Variants in ACOXL observed in about 807,000 individuals in gnomAD.
The protein encoded by ACOXL is acyl-coenzyme A oxidase-like protein.
ACOXL carries 70 observed loss-of-function variants against 71.9 expected under a neutral mutation model. The ratio of observed to expected loss-of-function variants is 0.97; its 90% confidence interval spans 0.80 to 1.19. The LOEUF is 1.19. ACOXL is among the 50% of genes most tolerant of loss of function. ACOXL has a pLI of 0.00. For missense variants in ACOXL, 703 were observed against 736.3 expected, an observed-to-expected ratio of 0.95 and a Z score of 0.52; for synonymous variants, 253 against 281.6, an observed-to-expected ratio of 0.90 and a Z score of 1.02.
intron 11 of ACOXL, among the ~76,000 whole-genome samples, chr2:110,923,256 T>C (rs2149301402): frequency 6.6e-6 from 1 of 152,318 alleles, no homozygotes; most frequent in Admixed American, 6.5e-5. Context: ...CTTCATAAAA[T>C]TGGTTGGAGC....
intron 13 of ACOXL, among the ~76,000 whole-genome samples, chr2:110,993,835 T>A (rs926864113): frequency 6.6e-5 from 10 of 152,262 alleles, no homozygotes; most frequent in Admixed American, 4.6e-4. Context: ...GGATGTATAA[T>A]GCTACCTCAC....
intron 12 of ACOXL, among the ~76,000 whole-genome samples, chr2:110,966,410 T>G (rs751595577): frequency 6.5e-4 from 99 of 152,028 alleles, no homozygotes; most frequent in Non-Finnish European, 1.1e-3. Context: ...AACCAGGAGG[T>G]GTGAGCAGGG....
chr2:110,942,578 C>T (rs2060904706), intron 12 of ACOXL, among the ~76,000 whole-genome samples: 1 of 152,066 alleles, frequency 6.6e-6, no homozygotes, highest in African/African-American at 2.4e-5. Flanking sequence ...TGGTTATCTT[C>T]AGTTTACAGA....
intron 16 of ACOXL, among the ~76,000 whole-genome samples, chr2:111,087,657 A>G (rs1273993976): frequency 6.6e-6 from 1 of 152,206 alleles, no homozygotes; most frequent in Non-Finnish European, 1.5e-5. Flanking sequence ...ACAAAAATCA[A>G]CTCAAGATGG....
intron 16 of ACOXL, among the ~76,000 whole-genome samples, chr2:111,052,538 C>T (rs1314539092): frequency 6.6e-6 from 1 of 152,116 alleles, no homozygotes; most frequent in Non-Finnish European, 1.5e-5. Context: ...GCTAGGGAAA[C>T]GGTACCCAAG....
At chr2:110,853,692 A>T (rs544206209) in intron 10 of ACOXL, among the ~76,000 whole-genome samples, 4 of 152,200 alleles carry the variant, frequency 2.6e-5, no homozygotes, top group Non-Finnish European at 5.9e-5. Context: ...ACACAAATGC[A>T]CAGTAGGACT....
At chr2:110,948,329 C>T (rs2061190806) in intron 12 of ACOXL, among the ~76,000 whole-genome samples, 1 of 152,156 alleles carries the variant, frequency 6.6e-6, no homozygotes, top group Non-Finnish European at 1.5e-5. Flanking sequence ...TGAAGCAATT[C>T]CAAGTGTTTG....
intron 14 of ACOXL, among the ~76,000 whole-genome samples, chr2:111,016,126 G>C (rs1014733028): frequency 6.7e-6 from 1 of 148,780 alleles, no homozygotes; most frequent in Admixed American, 6.7e-5. Context: ...TTTTGAGTTA[G>C]GGTCTCACTG....
intron 8 of ACOXL, among the ~76,000 whole-genome samples, chr2:110,803,679 G>A (rs538511005): frequency 3.9e-5 from 6 of 152,250 alleles, no homozygotes; most frequent in Admixed American, 6.5e-5. Context: ...GGACTTCATC[G>A]AAGTTATAAA....
At chr2:110,891,202 T>A (rs1272236017) in intron 10 of ACOXL, among the ~76,000 whole-genome samples, 2 of 152,144 alleles carry the variant, frequency 1.3e-5, no homozygotes. Context: ...TACAAGATCA[T>A]GTTATCTGCA....
At chr2:111,010,846 G>A (rs7420839) in intron 14 of ACOXL, among the ~76,000 whole-genome samples, 10,412 of 152,180 alleles carry the variant, frequency 0.068, 450 homozygotes, top group East Asian at 0.22. Context: ...ATCCAGTCGT[G>A]TGTGCATATG....
At chr2:111,085,011 A>T (rs2068135713) in intron 16 of ACOXL, among the ~76,000 whole-genome samples, 1 of 152,206 alleles carries the variant, frequency 6.6e-6, no homozygotes, top group African/African-American at 2.4e-5. Context: ...AAATGATTCA[A>T]TTCAACAAGA....
At chr2:110,824,792 C>T (rs1688989182) in intron 9 of ACOXL, among the ~76,000 whole-genome samples, 2 of 152,052 alleles carry the variant, frequency 1.3e-5, no homozygotes, top group South Asian at 2.1e-4. Context: ...CTAATAATTC[C>T]AACATCTGGA....
intron 15 of ACOXL, among the ~76,000 whole-genome samples, chr2:111,040,312 C>T (rs1305290654): frequency 6.6e-6 from 1 of 152,228 alleles, no homozygotes; most frequent in African/African-American, 2.4e-5. Flanking sequence ...GAAGCTGCGG[C>T]TTGCTCCATC....
intron 10 of ACOXL, among the ~76,000 whole-genome samples, chr2:110,860,131 G>A (rs1195312650): frequency 6.6e-6 from 1 of 152,062 alleles, no homozygotes; most frequent in African/African-American, 2.4e-5. Context: ...TTTGTTTTGA[G>A]GTGGAGTCTT....
At chr2:110,959,087 G>A (rs1314306045) in intron 12 of ACOXL, among the ~76,000 whole-genome samples, 2 of 152,226 alleles carry the variant, frequency 1.3e-5, no homozygotes, top group African/African-American at 4.8e-5. Context: ...CAGGGACAGA[G>A]CGGGGCAAAC....
At chr2:110,754,658 C>A (rs1679437118) in intron 1 of ACOXL, among the ~76,000 whole-genome samples, 1 of 152,192 alleles carries the variant, frequency 6.6e-6, no homozygotes, top group African/African-American at 2.4e-5. Context: ...TTGTGTGTGT[C>A]AGTGGTTCAT....
intron 10 of ACOXL, among the ~76,000 whole-genome samples, chr2:110,846,545 C>A (rs891429217): frequency 6.6e-6 from 1 of 151,946 alleles, no homozygotes; most frequent in African/African-American, 2.4e-5. Flanking sequence ...CATGCATATG[C>A]AGTGGTGCTT....
At chr2:111,097,931 G>A (rs968739774) in intron 17 of ACOXL, among the ~76,000 whole-genome samples, 5 of 152,206 alleles carry the variant, frequency 3.3e-5, no homozygotes, top group African/African-American at 9.7e-5. Flanking sequence ...TTTAGTGTGG[G>A]TTGGACTTTA....
Sources: gnomAD v4.1 joint callset for allele counts (sites outside exome capture counted in the v4.1 genomes callset) on GRCh38, gnomAD v4.1.1 for gene constraint, MANE v1.5 for transcripts, NCBI Gene and HGNC (gene_info 2026-07-23, HGNC 2026-07-21) for gene names.